MYO10: variants seen among roughly 807,000 people sequenced by gnomAD.
MYO10 encodes the protein myosin X.
Under a neutral mutation model 257.3 loss-of-function variants are expected in MYO10, and 133 were observed. The ratio of observed to expected loss-of-function variants is 0.52; its 90% CI spans 0.45 to 0.60. The LOEUF is 0.60. Among genes scored for constraint, MYO10 ranks in the 20% least tolerant of loss-of-function variants. The pLI, the probability that MYO10 is intolerant of heterozygous loss-of-function variation, is 0.00. For synonymous variants in MYO10, 1,104 were observed against 1,028.6 expected, an observed-to-expected ratio of 1.07 and a Z score of -1.40; for missense variants, 2,399 against 2,635.7, an observed-to-expected ratio of 0.91 and a Z score of 1.97.
In MYO10 at chr5:16,718,101, T is replaced by C. The variant is rs531868435; in HGVS notation, c.1930-6856A>G. Among the ~76,000 whole-genome samples the C allele has an allele frequency of 1.9e-3, 283 of 152,312 alleles. 2 individuals carry two copies. Among genetic ancestry groups the C allele is most frequent in the African/African-American group, 6.6e-3 (274 of 41,580 alleles). ...ATGGGGGACTTAGCACCTGGGCCAG[T>C]GGCTGCGGAGGGTGTACTGGGTCCC... On this transcript the variant is annotated intron_variant, in intron 19 of 40. Coordinates refer to ENST00000513610, the MANE Select transcript of MYO10 (RefSeq NM_012334.3).
At chr5:16,763,047 T>A (rs1311100905) in intron 14 of MYO10, among the ~76,000 whole-genome samples, 1 of 150,130 alleles carries the variant, frequency 6.7e-6, no homozygotes, top group Non-Finnish European at 1.5e-5. Flanking sequence ...AACAAATGAG[T>A]GGTTAAAAGA....
At chr5:16,706,495 A>G (rs1245443479) in intron 21 of MYO10, among the ~76,000 whole-genome samples, 1 of 152,170 alleles carries the variant, frequency 6.6e-6, no homozygotes. Flanking sequence ...TTTGTTTGGT[A>G]TTACATATCT....
intron 32 of MYO10, 109 bp downstream of exon 32, chr5:16,681,200 C>CT (rs1736981535): frequency 8.2e-7 from 1 of 1,226,192 alleles, no homozygotes; most frequent in Non-Finnish European, 1.1e-6. Flanking sequence ...AGGACAACTT[C>CT]TTTGGGGGGA....
chr5:16,817,871 T>C lies in MYO10; in HGVS notation c.279+138A>G, dbSNP rs182800980. 4.6e-5 allele frequency: 37 copies of C among 808,618 alleles called. No homozygotes were observed. In the African/African-American group the frequency reaches 5.3e-4, roughly 11 times the overall value. The allele number at this position is 808,618 out of a possible 1,614,324, so 50.1% of individuals were successfully genotyped here. A position where few individuals can be genotyped will look rare whatever the true frequency, so the allele number is the denominator to read the frequency against. ...CATGATTTTTGACCCAAGTTTCTAA[T>C]GTGGCAAATCCCTTGAAAACATAAT... On this transcript the variant is annotated intron_variant, in intron 3 of 40. Coordinates refer to ENST00000513610, the MANE Select transcript of MYO10 (RefSeq NM_012334.3).
At chr5:16,841,113 C>G (rs1458492802) in intron 2 of MYO10, among the ~76,000 whole-genome samples, 1 of 151,134 alleles carries the variant, frequency 6.6e-6, no homozygotes, top group African/African-American at 2.4e-5. Flanking sequence ...CCATTGCACT[C>G]CAGCCTGGGC....
At chr5:16,775,989 A>C (rs1454794871) in intron 9 of MYO10, among the ~76,000 whole-genome samples, 1 of 152,018 alleles carries the variant, frequency 6.6e-6, no homozygotes, top group Non-Finnish European at 1.5e-5. Flanking sequence ...TCCATCTCCC[A>C]GACTCAAGCC....
chr5:16,692,060 TTC>T (rs971360332), intron 27 of MYO10, among the ~76,000 whole-genome samples: 1 of 152,120 alleles, frequency 6.6e-6, no homozygotes, highest in African/African-American at 2.4e-5. Flanking sequence ...CTCATTTGGA[TTC>T]TGACTTGAAG....
At chr5:16,863,279 C>T (rs775399903) in intron 2 of MYO10, among the ~76,000 whole-genome samples, 3 of 152,174 alleles carry the variant, frequency 2.0e-5, no homozygotes, top group Non-Finnish European at 4.4e-5. Flanking sequence ...CCCTCCCCAC[C>T]CATCCACCCA....
intron 18 of MYO10, among the ~76,000 whole-genome samples, chr5:16,755,283 A>C (rs1579953388): frequency 1.3e-5 from 2 of 152,302 alleles, no homozygotes; most frequent in South Asian, 4.1e-4. Flanking sequence ...CTCCTGCCTC[A>C]GCCTCCAGAG....
At chr5:16,822,341 A>T (rs1426436056) in intron 2 of MYO10, among the ~76,000 whole-genome samples, 2 of 152,246 alleles carry the variant, frequency 1.3e-5, no homozygotes, top group Admixed American at 6.5e-5. Flanking sequence ...TCATTCAAGC[A>T]AATTTTTAAA....
chr5:16,913,501 C>G (rs1745730606), intron 1 of MYO10, among the ~76,000 whole-genome samples: 1 of 152,180 alleles, frequency 6.6e-6, no homozygotes, highest in Non-Finnish European at 1.5e-5. Context: ...TTTCCTTCTT[C>G]TCAAGTTTGT....
At position 16,814,583 on chromosome 5, in the gene MYO10, C is replaced by G. The variant is rs1742547374; in HGVS notation, c.279+3426G>C. On this transcript the variant is annotated intron_variant, in intron 3 of 40. Transcript: ENST00000513610. ...AGATATAGACAGGCATTGCTCCGAG[C>G]CAGGATCAAATGTGGAGAAGCAGTG... 4 of 152,040 alleles carry G rather than the reference C, an allele frequency of 2.6e-5. No homozygotes were observed. The South Asian group carries it at 8.3e-4, about 32-fold the overall frequency. 9.4% of individuals were successfully genotyped at this position (152,040 alleles called of 1,614,324 possible).
intron 2 of MYO10, among the ~76,000 whole-genome samples, chr5:16,823,057 T>G (rs1742876654): frequency 6.6e-6 from 1 of 152,074 alleles, no homozygotes; most frequent in South Asian, 2.1e-4. Context: ...GAGAGATTCT[T>G]GAACTATCAA....
intron 40 of MYO10, among the ~76,000 whole-genome samples, chr5:16,667,695 G>T (rs1161575904): frequency 6.6e-6 from 1 of 152,186 alleles, no homozygotes; most frequent in Non-Finnish European, 1.5e-5. Flanking sequence ...AAACCAGGCA[G>T]CAGGTGATTC....
chr5:16,725,103 T>TTTTTTG (rs1184732634), intron 19 of MYO10, among the ~76,000 whole-genome samples: 1 of 144,336 alleles, frequency 6.9e-6, no homozygotes, highest in Non-Finnish European at 1.5e-5. Context: ...TTTTTTTTTT[T>TTTTTTG]TGAGACAGAG....
At chr5:16,775,621 G>A (rs1229589549) in intron 9 of MYO10, among the ~76,000 whole-genome samples, 2 of 146,858 alleles carry the variant, frequency 1.4e-5, no homozygotes, top group Non-Finnish European at 3.0e-5. Context: ...TTGTTTTCTC[G>A]AGACAGAGTC....
intron 2 of MYO10, among the ~76,000 whole-genome samples, chr5:16,851,490 A>G (rs1743799746): frequency 6.6e-6 from 1 of 152,216 alleles, no homozygotes; most frequent in Admixed American, 6.5e-5. Context: ...GATCAATATC[A>G]GAGCACTCAA....
At chr5:16,875,373 CA>C (rs1744572310) in intron 2 of MYO10, among the ~76,000 whole-genome samples, 1 of 152,168 alleles carries the variant, frequency 6.6e-6, no homozygotes, top group South Asian at 2.1e-4. Flanking sequence ...TCCTATCCTA[CA>C]GGGAAACTTA....
At position 16,767,722 on chromosome 5, in the gene MYO10, G is replaced by T. The variant is rs577947428; in HGVS notation, c.1060+1352C>A. On this transcript the variant is annotated intron_variant, in intron 10 of 40. Transcript: ENST00000513610. ...AGATAGAGTCTCACTTTGTCACCCA[G>T]GCTATAGTGCACTGGCATGATCTTG... is the stretch of plus-strand genomic sequence containing the variant. Among the ~76,000 whole-genome samples the T allele has an allele frequency of 5.3e-5, 8 of 151,870 alleles. No individual in the cohort carries two copies. In the East Asian group the frequency reaches 1.6e-3, roughly 30 times the overall value.
Sources: gnomAD v4.1 joint callset for allele counts (sites outside exome capture counted in the v4.1 genomes callset) on GRCh38, gnomAD v4.1.1 for gene constraint, MANE v1.5 for transcripts, NCBI Gene and HGNC (gene_info 2026-07-23, HGNC 2026-07-21) for gene names.